CLSTN2: variants seen among roughly 807,000 people sequenced by gnomAD.
CLSTN2 encodes calsyntenin-2.
In CLSTN2, 48 loss-of-function variants were observed where a neutral mutation model predicts 101.2. The observed-to-expected ratio is 0.47, with a 90% CI of 0.38 to 0.60. CLSTN2 has a LOEUF of 0.60. Among genes scored for constraint, CLSTN2 ranks in the 20% least tolerant of loss-of-function variants. The pLI is 0.00. For missense variants in CLSTN2, 1,160 were observed against 1,238.2 expected, an observed-to-expected ratio of 0.94 and a Z score of 0.95; for synonymous variants, 481 against 463.6, an observed-to-expected ratio of 1.04 and a Z score of -0.48.
At chr3:140,025,267 A>T (rs1184523311) in intron 1 of CLSTN2, among the ~76,000 whole-genome samples, 1 of 152,178 alleles carries the variant, frequency 6.6e-6, no homozygotes, top group Non-Finnish European at 1.5e-5. Flanking sequence ...CCAACTAAAG[A>T]TGTGTACATC....
At chr3:140,307,856 A>C (rs2087130107) in intron 2 of CLSTN2, among the ~76,000 whole-genome samples, 1 of 152,238 alleles carries the variant, frequency 6.6e-6, no homozygotes, top group African/African-American at 2.4e-5. Flanking sequence ...AGCAATGCCA[A>C]ACCAATTAAC....
At chr3:140,194,172 GA>G (rs2010611947) in intron 2 of CLSTN2, among the ~76,000 whole-genome samples, 1 of 152,136 alleles carries the variant, frequency 6.6e-6, no homozygotes, top group South Asian at 2.1e-4. Context: ...ATAAACAACA[GA>G]AATTTATTTT....
intron 1 of CLSTN2, among the ~76,000 whole-genome samples, chr3:140,141,947 G>C (rs907701058): frequency 5.9e-5 from 9 of 152,164 alleles, no homozygotes; most frequent in African/African-American, 2.2e-4. Context: ...TCCCAAACTT[G>C]TCTCGTCCAA....
chr3:140,297,561 G>A (rs545562226), intron 2 of CLSTN2, among the ~76,000 whole-genome samples: 5 of 152,146 alleles, frequency 3.3e-5, no homozygotes, highest in African/African-American at 4.8e-5. Context: ...AGGCCAAGAG[G>A]TAAAATAGAG....
intron 2 of CLSTN2, among the ~76,000 whole-genome samples, chr3:140,357,702 T>G (rs995676391): frequency 6.6e-6 from 1 of 152,092 alleles, no homozygotes; most frequent in African/African-American, 2.4e-5. Context: ...CATTTTGTGT[T>G]TTTCTCAACA....
At chr3:139,945,270 T>A (rs55934022) in intron 1 of CLSTN2, among the ~76,000 whole-genome samples, 15,577 of 152,160 alleles carry the variant, frequency 0.1, 959 homozygotes, top group East Asian at 0.15. Flanking sequence ...TCAGGGCAAA[T>A]CACTCAGCCC....
chr3:140,231,728 A>G (rs901234512), intron 2 of CLSTN2, among the ~76,000 whole-genome samples: 1 of 152,208 alleles, frequency 6.6e-6, no homozygotes, highest in African/African-American at 2.4e-5. Flanking sequence ...GATCCATTTG[A>G]GTAGGAAATG....
chr3:140,139,415 T>C (rs2009662807), intron 1 of CLSTN2, among the ~76,000 whole-genome samples: 1 of 152,230 alleles, frequency 6.6e-6, no homozygotes, highest in African/African-American at 2.4e-5. Context: ...CTGTCCTGCC[T>C]GCCTGAGGGT....
intron 2 of CLSTN2, among the ~76,000 whole-genome samples, chr3:140,221,210 A>C (rs2086269507): frequency 6.6e-6 from 1 of 152,170 alleles, no homozygotes; most frequent in Admixed American, 6.5e-5. Context: ...CTTTTATCCA[A>C]ATTTCATAAA....
intron 2 of CLSTN2, among the ~76,000 whole-genome samples, chr3:140,371,831 G>A (rs898176831): frequency 1.3e-5 from 2 of 152,188 alleles, no homozygotes; most frequent in African/African-American, 2.4e-5. Flanking sequence ...CTTCTGATAA[G>A]TGGGCATGCT....
intron 9 of CLSTN2, among the ~76,000 whole-genome samples, chr3:140,541,856 C>T (rs958703534): frequency 3.3e-5 from 5 of 152,146 alleles, no homozygotes; most frequent in African/African-American, 1.2e-4. Flanking sequence ...CAGACCTCCT[C>T]CACCCTCCTC....
chr3:140,320,703 A>G (rs1244906098), intron 2 of CLSTN2, among the ~76,000 whole-genome samples: 1 of 151,816 alleles, frequency 6.6e-6, no homozygotes, highest in Non-Finnish European at 1.5e-5. Flanking sequence ...CCCCCTTCCA[A>G]AAAAAAAGAA....
At chr3:140,144,041 A>T (rs114139719) in intron 1 of CLSTN2, among the ~76,000 whole-genome samples, 21 of 152,362 alleles carry the variant, frequency 1.4e-4, no homozygotes, top group Non-Finnish European at 2.8e-4. Context: ...CATCATTTCC[A>T]GGCTGAGGTT....
At chr3:140,326,652 C>A (rs2087334368) in intron 2 of CLSTN2, among the ~76,000 whole-genome samples, 1 of 152,176 alleles carries the variant, frequency 6.6e-6, no homozygotes, top group Admixed American at 6.5e-5. Flanking sequence ...AGACAGCATT[C>A]TCCAAAAGCT....
intron 2 of CLSTN2, among the ~76,000 whole-genome samples, chr3:140,321,127 T>C (rs185603823): frequency 5.9e-5 from 9 of 152,154 alleles, no homozygotes; most frequent in Admixed American, 5.9e-4. Context: ...TTGTGAGAGG[T>C]TGTGGGAAAA....
At chr3:140,498,238 G>T (rs964861429) in intron 8 of CLSTN2, among the ~76,000 whole-genome samples, 1 of 152,120 alleles carries the variant, frequency 6.6e-6, no homozygotes, top group African/African-American at 2.4e-5. Flanking sequence ...ATCCACTGGC[G>T]CCGGTCTCCA....
chr3:140,328,856 T>C (rs1410716237), intron 2 of CLSTN2, among the ~76,000 whole-genome samples: 1 of 152,236 alleles, frequency 6.6e-6, no homozygotes, highest in African/African-American at 2.4e-5. Context: ...GTACCTGGCA[T>C]GCAGTATGCA....
chr3:139,937,703 T>A (rs1443960794), intron 1 of CLSTN2, among the ~76,000 whole-genome samples: 1 of 151,998 alleles, frequency 6.6e-6, no homozygotes, highest in African/African-American at 2.4e-5. Context: ...GAGATCGCGC[T>A]ATTACACTCC....
rs1576505495 is a variant in CLSTN2, at chr3:140,300,414, G to T, written c.233-103215G>T. On this transcript the variant is annotated intron_variant, in intron 2 of 16. Transcript: ENST00000458420. ...TCAGCATGTACTAAATTCTTTTTGGGTGCCAAGCCCTTTCTTTGGCATTGA... is the reference window on the plus strand; with the variant it reads ...TCAGCATGTACTAAATTCTTTTTGGTTGCCAAGCCCTTTCTTTGGCATTGA... Among the ~76,000 whole-genome samples, 3 of 152,188 alleles carry T rather than the reference G, an allele frequency of 2.0e-5. No individual in the cohort carries two copies. The East Asian group carries it at 5.8e-4, about 29-fold the overall frequency.
Sources: gnomAD v4.1 joint callset for allele counts (sites outside exome capture counted in the v4.1 genomes callset) on GRCh38, gnomAD v4.1.1 for gene constraint, MANE v1.5 for transcripts, NCBI Gene and HGNC (gene_info 2026-07-23, HGNC 2026-07-21) for gene names.